The following DTNA variants were observed in gnomAD, a reference collection of about 807,000 sequenced individuals.
DTNA encodes the protein dystrobrevin alpha, also known as dystrophin-related protein 3.
In DTNA, 43 loss-of-function variants were observed where a neutral mutation model predicts 100.7. That is an observed-to-expected ratio of 0.43 (90% CI 0.33 to 0.55). DTNA has a LOEUF of 0.55. DTNA is among the 20% of genes least tolerant of loss of function. DTNA has a pLI of 0.04. For missense variants in DTNA, 798 were observed against 953.9 expected (o/e 0.84, Z 2.15); for synonymous variants, 349 against 347.9 (o/e 1.00, Z -0.04).
chr18:34,530,998 C>A (rs1360196632), intron 1 of DTNA, among the ~76,000 whole-genome samples: 1 of 152,122 alleles, frequency 6.6e-6, no homozygotes, highest in Non-Finnish European at 1.5e-5. Flanking sequence ...TTGGACATTT[C>A]TGTGCAGTCA....
chr18:34,776,409 C>G (rs745890282), intron 3 of DTNA, among the ~76,000 whole-genome samples: 2 of 152,198 alleles, frequency 1.3e-5, no homozygotes, highest in Non-Finnish European at 1.5e-5. Context: ...TCTCAGCTCA[C>G]TGCAACCTCT....
At chr18:34,628,914 T>C (rs1048050100) in intron 1 of DTNA, among the ~76,000 whole-genome samples, 1 of 152,162 alleles carries the variant, frequency 6.6e-6, no homozygotes, top group African/African-American at 2.4e-5. Context: ...ATGTTAATAA[T>C]TTTATCTAGA....
intron 17 of DTNA, chr18:34,867,475 T>C (rs986625854): frequency 2.5e-6 from 3 of 1,216,286 alleles, no homozygotes; most frequent in Non-Finnish European, 2.0e-6. Context: ...GTATTGCTAT[T>C]GTATTTCCAA....
Position 34,770,256 on chromosome 18 carries a change from C to T in DTNA, c.148+4215C>T, listed in dbSNP as rs2093698808. Among the ~76,000 whole-genome samples the T allele has an allele frequency of 2.0e-5, 3 of 151,788 alleles. No individual in the cohort carries two copies. In the South Asian group the frequency reaches 6.3e-4, roughly 32 times the overall value. On this transcript the variant is annotated intron_variant, in intron 3 of 22. Coordinates refer to ENST00000444659, the MANE Select transcript of DTNA (RefSeq NM_001386795.1). ...AGATTGTTTACTTTTAGGTCCATAC[C>T]TTATTTAAAATTTATTGCGTATACT... is the stretch of plus-strand genomic sequence containing the variant.
chr18:34,679,906 A>T (rs2145436738), intron 1 of DTNA, among the ~76,000 whole-genome samples: 1 of 152,296 alleles, frequency 6.6e-6, no homozygotes, highest in Middle Eastern at 3.4e-3. Context: ...CAAATGCCAT[A>T]ATACTTCATT....
chr18:34,579,667 T>G (rs964094869), intron 1 of DTNA, among the ~76,000 whole-genome samples: 1 of 152,244 alleles, frequency 6.6e-6, no homozygotes, highest in Non-Finnish European at 1.5e-5. Context: ...GTTGCCTGTG[T>G]GAAATGTCTT....
intron 17 of DTNA, among the ~76,000 whole-genome samples, chr18:34,865,597 C>T (rs2096690457): frequency 6.6e-6 from 1 of 152,194 alleles, no homozygotes; most frequent in Non-Finnish European, 1.5e-5. Context: ...CTAGATAGTT[C>T]ATAACCTGCT....
intron 1 of DTNA, among the ~76,000 whole-genome samples, chr18:34,517,473 G>GTGTGTGTGTA (rs2041755380): frequency 6.6e-6 from 1 of 151,836 alleles, no homozygotes; most frequent in East Asian, 1.9e-4. Context: ...GTGTGTGTGT[G>GTGTGTGTGTA]TGTGTGTGTG....
chr18:34,821,012 A>G, intron 9 of DTNA, 97 bp downstream of exon 9: 4 of 1,560,206 alleles, frequency 2.6e-6, no homozygotes, highest in Middle Eastern at 1.7e-4. Flanking sequence ...GTCAGCAACC[A>G]AGATTTTTAA....
intron 1 of DTNA, among the ~76,000 whole-genome samples, chr18:34,650,202 T>G (rs1303880556): frequency 1.3e-5 from 2 of 152,148 alleles, no homozygotes; most frequent in African/African-American, 2.4e-5. Flanking sequence ...CTGAAAATCT[T>G]CACTTCCTGA....
At chr18:34,864,091 G>A in intron 17 of DTNA, 29 bp downstream of exon 17, 3 of 1,577,806 alleles carry the variant, frequency 1.9e-6, no homozygotes, top group South Asian at 1.1e-5. Flanking sequence ...ATTTTCCTGA[G>A]CTTATTTTCC....
At chr18:34,636,070 G>C (rs1227439117) in intron 1 of DTNA, among the ~76,000 whole-genome samples, 1 of 151,998 alleles carries the variant, frequency 6.6e-6, no homozygotes, top group Non-Finnish European at 1.5e-5. Context: ...TCTTCAGTGT[G>C]CAGCAAGTCT....
chr18:34,839,032 T>C (rs572063788), intron 13 of DTNA, among the ~76,000 whole-genome samples, 195 bp downstream of exon 13: 4 of 152,336 alleles, frequency 2.6e-5, no homozygotes, highest in African/African-American at 9.6e-5. Flanking sequence ...ATTCATATCC[T>C]TGTTTATATA....
At chr18:34,718,293 ATATT>A (rs2084490704) in intron 1 of DTNA, among the ~76,000 whole-genome samples, 2 of 152,196 alleles carry the variant, frequency 1.3e-5, no homozygotes, top group Admixed American at 6.5e-5. Context: ...TGGAAACTTA[ATATT>A]TATGAGACTT....
At chr18:34,608,469 C>G (rs1274806287) in intron 1 of DTNA, among the ~76,000 whole-genome samples, 2 of 151,322 alleles carry the variant, frequency 1.3e-5, no homozygotes, top group Admixed American at 6.6e-5. Context: ...TCTTTCTACT[C>G]AAATATTCAG....
intron 1 of DTNA, among the ~76,000 whole-genome samples, chr18:34,511,543 A>G (rs1015982860): frequency 1.3e-5 from 2 of 152,084 alleles, no homozygotes; most frequent in African/African-American, 4.8e-5. Context: ...AAATGGGGCC[A>G]GCATAGCTCC....
chr18:34,806,917 T>C (rs1279510932), intron 5 of DTNA, among the ~76,000 whole-genome samples: 1 of 112,792 alleles, frequency 8.9e-6, no homozygotes, highest in Non-Finnish European at 1.9e-5. Flanking sequence ...ACACTGGGGA[T>C]TGTTTGTTTG....
intron 1 of DTNA, among the ~76,000 whole-genome samples, chr18:34,572,168 A>C (rs1315905533): frequency 6.6e-6 from 1 of 152,222 alleles, no homozygotes; most frequent in Non-Finnish European, 1.5e-5. Flanking sequence ...TGGGATAAAC[A>C]GATTTAGATA....
intron 4 of DTNA, among the ~76,000 whole-genome samples, chr18:34,795,969 C>T (rs80074498): frequency 6.6e-6 from 1 of 152,128 alleles, no homozygotes; most frequent in African/African-American, 2.4e-5. Context: ...TGATGAAAAG[C>T]TAAGTTTGAC....
Sources: gnomAD v4.1 joint callset for allele counts (sites outside exome capture counted in the v4.1 genomes callset) on GRCh38, gnomAD v4.1.1 for gene constraint, MANE v1.5 for transcripts, NCBI Gene and HGNC (gene_info 2026-07-23, HGNC 2026-07-21) for gene names.